The following C1QTNF3 variants were observed in gnomAD, a reference collection of about 807,000 sequenced individuals.
C1QTNF3 encodes the protein complement C1q tumor necrosis factor-related protein 3.
In C1QTNF3, 26 loss-of-function variants were observed where a neutral mutation model predicts 32.6. The observed-to-expected ratio is 0.80, with a 90% CI of 0.58 to 1.11. The LOEUF is 1.11. Among genes scored for constraint, C1QTNF3 ranks in the 50% least tolerant of loss-of-function variants. The probability of loss-of-function intolerance (pLI) is 0.00; values close to 1 mark genes in which losing one functional copy is unlikely to be tolerated. For synonymous variants in C1QTNF3, 155 were observed against 146.0 expected (o/e 1.06, Z -0.44); for missense variants, 362 against 398.2 (o/e 0.91, Z 0.77).
the C1QTNF3 span, among the ~76,000 whole-genome samples, chr5:34,105,548 A>T: frequency 6.6e-6 from 1 of 151,702 alleles, no homozygotes; most frequent in Non-Finnish European, 1.5e-5. Flanking sequence ...CTTATGAGAG[A>T]CTCCTTTATA....
the C1QTNF3 span, among the ~76,000 whole-genome samples, chr5:34,197,688 C>G: frequency 6.6e-6 from 1 of 152,084 alleles, no homozygotes; most frequent in Non-Finnish European, 1.5e-5. Flanking sequence ...CAGGCAGCAT[C>G]CCCCGAAGCC....
the C1QTNF3 span, among the ~76,000 whole-genome samples, chr5:34,144,005 A>T: frequency 9.2e-5 from 14 of 152,202 alleles, no homozygotes; most frequent in Admixed American, 8.5e-4. Flanking sequence ...TAAAAAGACA[A>T]GAATTAACTG....
chr5:34,132,426 T>C, the C1QTNF3 span, among the ~76,000 whole-genome samples: 1 of 39,654 alleles, frequency 2.5e-5, no homozygotes, highest in African/African-American at 7.8e-5. Flanking sequence ...TATGTATGTG[T>C]ATGTGTATGT....
chr5:34,098,526 G>A, the C1QTNF3 span, among the ~76,000 whole-genome samples: 26 of 152,052 alleles, frequency 1.7e-4, no homozygotes, highest in African/African-American at 4.8e-4. Flanking sequence ...TCAGAAATGC[G>A]CTGAGTTATT....
chr5:34,112,736 T>C, the C1QTNF3 span, among the ~76,000 whole-genome samples: 2 of 152,182 alleles, frequency 1.3e-5, no homozygotes, highest in South Asian at 4.1e-4. Context: ...CAAAAGATCC[T>C]TTCCGCTGAG....
At chr5:34,045,839 C>T (rs1665842903), upstream of C1QTNF3, among the ~76,000 whole-genome samples, 1 of 152,066 alleles carries the variant, frequency 6.6e-6, no homozygotes, top group South Asian at 2.1e-4. Flanking sequence ...AGCCTGCCTT[C>T]AAGAATTGGG....
chr5:34,103,047 C>T, the C1QTNF3 span, among the ~76,000 whole-genome samples: 4 of 152,050 alleles, frequency 2.6e-5, no homozygotes, highest in Admixed American at 2.0e-4. Context: ...GTTTTTATCT[C>T]GACAATCACA....
chr5:34,060,222 A>C, the C1QTNF3 span, among the ~76,000 whole-genome samples: 2 of 152,214 alleles, frequency 1.3e-5, no homozygotes, highest in Non-Finnish European at 2.9e-5. Flanking sequence ...TTGCTTAATG[A>C]TGGGAATATG....
chr5:34,029,752 T>A (rs1754563961), intron 3 of C1QTNF3, among the ~76,000 whole-genome samples: 1 of 152,226 alleles, frequency 6.6e-6, no homozygotes, highest in African/African-American at 2.4e-5. Flanking sequence ...CAAGTTAGCA[T>A]GTATTAATTT....
the C1QTNF3 span, among the ~76,000 whole-genome samples, chr5:34,072,640 T>C: frequency 4.1e-3 from 628 of 152,312 alleles, 3 homozygotes; most frequent in Middle Eastern, 6.8e-3. Flanking sequence ...ATGAAAATCA[T>C]GAGACTTAAT....
chr5:34,195,812 C>A, the C1QTNF3 span, among the ~76,000 whole-genome samples: 2 of 149,256 alleles, frequency 1.3e-5, no homozygotes, highest in Non-Finnish European at 3.0e-5. Context: ...TGCACTCCAG[C>A]CTGGGTGACA....
the C1QTNF3 span, among the ~76,000 whole-genome samples, chr5:34,121,880 CT>C: frequency 6.6e-6 from 1 of 152,138 alleles, no homozygotes; most frequent in Admixed American, 6.5e-5. Context: ...AGACCTCCCC[CT>C]GAGCTGTTCC....
chr5:34,124,231 T>C, the C1QTNF3 span: 8 of 480,342 alleles, frequency 1.7e-5, no homozygotes, highest in Non-Finnish European at 2.6e-5. Context: ...TAAAGATGGC[T>C]AGATCCCTGG....
At chr5:34,090,932 G>C in the C1QTNF3 span, among the ~76,000 whole-genome samples, 551 of 152,290 alleles carry the variant, frequency 3.6e-3, 4 homozygotes, top group African/African-American at 0.013. Context: ...AACCTGAATA[G>C]ACTAAGACAA....
the C1QTNF3 span, among the ~76,000 whole-genome samples, chr5:34,156,669 T>C: frequency 1.3e-5 from 2 of 152,204 alleles, no homozygotes. Context: ...GACATATGTC[T>C]TCACACATAG....
At chr5:34,197,806 C>T in the C1QTNF3 span, among the ~76,000 whole-genome samples, 52 of 151,714 alleles carry the variant, frequency 3.4e-4, 2 homozygotes, top group South Asian at 0.01. Context: ...ATGGTACCGG[C>T]GGCTGGATGG....
chr5:34,078,863 G>A, the C1QTNF3 span, among the ~76,000 whole-genome samples: 1 of 151,590 alleles, frequency 6.6e-6, no homozygotes, highest in African/African-American at 2.4e-5. The surrounding 1 kb of genome is among the most constrained non-coding windows in gnomAD (Gnocchi z 4.0). Flanking sequence ...GCTGGGAAGT[G>A]CTAACTTCCT....
chr5:34,129,143 T>C, the C1QTNF3 span, among the ~76,000 whole-genome samples: 1 of 152,222 alleles, frequency 6.6e-6, no homozygotes, highest in African/African-American at 2.4e-5. Flanking sequence ...CCTGCCACCA[T>C]ATAAGATGGC....
At chr5:34,052,922 AC>A in the C1QTNF3 span, among the ~76,000 whole-genome samples, 1 of 152,180 alleles carries the variant, frequency 6.6e-6, no homozygotes, top group Non-Finnish European at 1.5e-5. Flanking sequence ...ATTGGCTGGG[AC>A]AAATTATGCC....
Sources: allele counts gnomAD v4.1 joint callset (sites outside exome capture counted in the v4.1 genomes callset), GRCh38; gene constraint gnomAD v4.1.1; non-coding constraint Gnocchi (gnomAD v3.1); transcripts MANE v1.5; gene names NCBI Gene and HGNC (gene_info 2026-07-23, HGNC 2026-07-21).